Variants in SEPTIN9 observed in about 807,000 individuals in gnomAD.
SEPTIN9 encodes the protein septin-9.
SEPTIN9 carries 13 observed loss-of-function variants against 56.6 expected under a neutral mutation model. The observed-to-expected ratio is 0.23, with a 90% CI of 0.15 to 0.37. SEPTIN9 has a LOEUF of 0.37. Ranked by LOEUF, SEPTIN9 falls within the 10% of genes least tolerant of loss-of-function variation. The pLI, the probability that SEPTIN9 is intolerant of heterozygous loss-of-function variation, is 1.00. For synonymous variants in SEPTIN9, 332 were observed against 334.1 expected (o/e 0.99, Z 0.07); for missense variants, 650 against 823.1 (o/e 0.79, Z 2.57).
At chr17:77,491,803 C>CT (rs1363348815) in intron 8 of SEPTIN9, among the ~76,000 whole-genome samples, 1 of 85,586 alleles carries the variant, frequency 1.2e-5, no homozygotes, top group East Asian at 3.3e-4. Context: ...GAGACTCCAT[C>CT]TCAAAAAAAA....
intron 10 of SEPTIN9, chr17:77,496,486 T>G (rs957736961): frequency 1.3e-5 from 2 of 152,330 alleles, no homozygotes; most frequent in Non-Finnish European, 1.5e-5. Flanking sequence ...TTCACTGCCC[T>G]CCTTGTTAAA....
intron 3 of SEPTIN9, among the ~76,000 whole-genome samples, chr17:77,471,700 CG>C (rs1259160783): frequency 2.0e-5 from 3 of 152,220 alleles, no homozygotes; most frequent in Non-Finnish European, 4.4e-5. Context: ...CACCCACCCA[CG>C]GGGGAACTTT....
chr17:77,440,389 A>G (rs2037503106), intron 3 of SEPTIN9, among the ~76,000 whole-genome samples: 1 of 152,212 alleles, frequency 6.6e-6, no homozygotes, highest in Non-Finnish European at 1.5e-5. Flanking sequence ...TCCCGACTTC[A>G]GGTGATCCGC....
intron 3 of SEPTIN9, chr17:77,454,118 G>T: frequency 7.1e-6 from 7 of 985,798 alleles, no homozygotes; most frequent in Non-Finnish European, 7.2e-6. Flanking sequence ...GGTAAGCTGT[G>T]GGGGCTCCTC....
intron 4 of SEPTIN9, among the ~76,000 whole-genome samples, chr17:77,485,233 ATGG>A (rs200790911): frequency 7.5e-4 from 82 of 109,014 alleles, no homozygotes; most frequent in South Asian, 1.6e-3. Flanking sequence ...GAAGGGGGTG[ATGG>A]TGGTGATTGT....
chr17:77,384,306 T>C (rs972796173), intron 2 of SEPTIN9, among the ~76,000 whole-genome samples: 20 of 152,266 alleles, frequency 1.3e-4, no homozygotes, highest in Admixed American at 1.3e-3. Flanking sequence ...ATTCAGGCCT[T>C]TGTCCTCAGC....
rs1485223156 is a variant in SEPTIN9 at position 77,367,594 on chromosome 17, T to A, written c.77-34465T>A. ...ACTTTGGGAGGCTGAGGAGGATGGA[T>A]CACTTGAGGCCAGGAGTTCGAGACT... is the stretch of plus-strand genomic sequence containing the variant. On this transcript the variant is annotated intron_variant, in intron 2 of 11. Coordinates refer to ENST00000427177, the MANE Select transcript of SEPTIN9 (RefSeq NM_001113491.2). The surrounding 1 kb of genome is among the most constrained non-coding windows in gnomAD (Gnocchi z 4.5). Among the ~76,000 whole-genome samples, 1 of 151,900 alleles carries A rather than the reference T, an allele frequency of 6.6e-6. No homozygotes were observed. The highest frequency in any genetic ancestry group is 2.4e-5 in the African/African-American group (1 of 41,316).
chr17:77,392,454 C>T (rs375630), intron 2 of SEPTIN9, among the ~76,000 whole-genome samples: 44,443 of 152,002 alleles, frequency 0.29, 7,561 homozygotes, highest in East Asian at 0.63. Flanking sequence ...TCCTCCTTGT[C>T]CAGAGGTACT....
chr17:77,320,122 TA>T, intron 2 of SEPTIN9: 1 of 1,470,610 alleles, frequency 6.8e-7, no homozygotes, highest in Non-Finnish European at 9.0e-7. Flanking sequence ...AGCACAAACA[TA>T]TGATCAGCAC....
rs139208809 is a variant in SEPTIN9, at chr17:77,445,525, C to CGTGT, written c.722-36607_722-36604dup. The stretch of plus-strand genomic sequence containing the variant: ...GGGGGTTGGTGCATGTGTGCACGCA[C>CGTGT]GTGTGTGTGTGTGTGCGTGCGTGCT... On this transcript the variant is annotated intron_variant, in intron 3 of 11. Coordinates refer to ENST00000427177, the MANE Select transcript of SEPTIN9 (RefSeq NM_001113491.2). The surrounding 1 kb of genome is among the most constrained non-coding windows in gnomAD (Gnocchi z 4.7). The CGTGT allele has an allele frequency of 2.2e-5, 9 of 403,616 alleles. No individual in the cohort carries two copies. Among genetic ancestry groups the CGTGT allele is most frequent in the Admixed American group, 5.6e-5 (2 of 35,482 alleles). 25.0% of individuals were successfully genotyped at this position (403,616 alleles called of 1,614,324 possible).
At chr17:77,360,157 C>CAAAAAAAA in intron 2 of SEPTIN9, among the ~76,000 whole-genome samples, 1 of 120,884 alleles carries the variant, frequency 8.3e-6, no homozygotes, top group Non-Finnish European at 1.7e-5. Flanking sequence ...AACTCTGTCT[C>CAAAAAAAA]AAAAAAAAAA....
At chr17:77,361,991 T>G (rs1282001512) in intron 2 of SEPTIN9, among the ~76,000 whole-genome samples, 2 of 152,218 alleles carry the variant, frequency 1.3e-5, no homozygotes, top group African/African-American at 4.8e-5. Flanking sequence ...GGAGACCATA[T>G]GCACCATGTA....
At chr17:77,287,795 C>T (rs2031345212) in intron 1 of SEPTIN9, 2 of 801,712 alleles carry the variant, frequency 2.5e-6, no homozygotes, top group Non-Finnish European at 1.5e-6. Flanking sequence ...CTAATCTGAC[C>T]TGGTTCTCCA....
At position 77,498,910 on chromosome 17, in the gene SEPTIN9, ACATGACCCT is replaced by A; in HGVS notation, c.*254_*262del. The A allele has an allele frequency of 3.5e-6, 2 of 576,646 alleles. No individual in the cohort carries two copies. Among genetic ancestry groups the A allele is most frequent in the Non-Finnish European group, 6.6e-6 (2 of 303,496 alleles). The allele number at this position is 576,646 out of a possible 1,614,324, so 35.7% of individuals were successfully genotyped here. On this transcript the variant is annotated 3_prime_UTR_variant, in exon 12 of 12. Coordinates refer to ENST00000427177, the MANE Select transcript of SEPTIN9 (RefSeq NM_001113491.2). ...AGGGGTGAGAGCACCCACTGAATTGACATGACCCTCTGTCCCCAGGCCTGGCTCCCCGAG... is the reference window on the plus strand; with the variant it reads ...AGGGGTGAGAGCACCCACTGAATTGACTGTCCCCAGGCCTGGCTCCCCGAG...
intron 3 of SEPTIN9, among the ~76,000 whole-genome samples, chr17:77,461,342 A>T (rs1172723150): frequency 6.6e-6 from 1 of 152,030 alleles, no homozygotes; most frequent in Non-Finnish European, 1.5e-5. Flanking sequence ...ATAAAAATCC[A>T]TGGGGGGACC....
intron 3 of SEPTIN9, among the ~76,000 whole-genome samples, chr17:77,448,316 T>C (rs2037824726): frequency 6.6e-6 from 1 of 151,898 alleles, no homozygotes; most frequent in South Asian, 2.1e-4. Flanking sequence ...CTACTAAAAA[T>C]ACAAAAAGTA....
At chr17:77,354,912 C>G (rs972203342) in intron 2 of SEPTIN9, among the ~76,000 whole-genome samples, 1 of 152,016 alleles carries the variant, frequency 6.6e-6, no homozygotes. Flanking sequence ...TGCTCTTTTA[C>G]AAGGAAACAG....
At position 77,488,805 on chromosome 17, in the gene SEPTIN9, G is replaced by A. The variant is rs376691772; in HGVS notation, c.1203G>A (p.Lys401=). 230 of 1,613,714 alleles carry A rather than the reference G, an allele frequency of 1.4e-4. No homozygotes were observed. The highest frequency in any genetic ancestry group is 2.7e-5 in the Non-Finnish European group (32 of 1,179,902). Residue 401 remains lysine, a synonymous_variant, in exon 7 of 12, where the codon AAG becomes AAA. Transcript: ENST00000427177. The part of the protein sequence containing the change: ...LQEEVNINRK[K]RIPDTRVHCC... ...AGGAGGTCAACATCAACCGCAAGAA[G>A]CGCATCCCGGACACCCGCGTCCACT...
At chr17:77,481,279 C>T (rs1215949359) in intron 3 of SEPTIN9, among the ~76,000 whole-genome samples, 4 of 152,252 alleles carry the variant, frequency 2.6e-5, no homozygotes, top group African/African-American at 4.8e-5. Flanking sequence ...TTCAGCTCCA[C>T]GTGCCCCACA....
Sources: allele counts gnomAD v4.1 joint callset (sites outside exome capture counted in the v4.1 genomes callset), GRCh38; gene constraint gnomAD v4.1.1; non-coding constraint Gnocchi (gnomAD v3.1); transcripts MANE v1.5; gene names NCBI Gene and HGNC (gene_info 2026-07-23, HGNC 2026-07-21).